Variants in HS3ST3A1 observed in about 807,000 individuals in gnomAD.
The protein encoded by HS3ST3A1 is heparan sulfate glucosamine 3-O-sulfotransferase 3A1.
A neutral mutation model predicts 25.7 loss-of-function variants in HS3ST3A1; 19 were observed. That is an observed-to-expected ratio of 0.74 (90% CI 0.52 to 1.08). The LOEUF is 1.08. Among genes scored for constraint, HS3ST3A1 ranks in the 50% least tolerant of loss-of-function variants. HS3ST3A1 has a pLI of 0.00. For missense variants in HS3ST3A1, 459 were observed against 594.3 expected (o/e 0.77, Z 2.37); for synonymous variants, 226 against 278.6 (o/e 0.81, Z 1.88).
intron 1 of HS3ST3A1, among the ~76,000 whole-genome samples, chr17:13,540,910 T>C (rs968836135): frequency 6.6e-6 from 1 of 152,216 alleles, no homozygotes; most frequent in African/African-American, 2.4e-5. Flanking sequence ...AGTGTAAAAT[T>C]TCATTTGAAC....
At chr17:13,550,698 C>A (rs1419826873) in intron 1 of HS3ST3A1, among the ~76,000 whole-genome samples, 2 of 145,342 alleles carry the variant, frequency 1.4e-5, no homozygotes, top group Non-Finnish European at 3.1e-5. Flanking sequence ...AAATGGAAGG[C>A]AAACACCAAA....
chr17:13,503,895 C>T (rs1489472606), intron 1 of HS3ST3A1, among the ~76,000 whole-genome samples: 6 of 152,336 alleles, frequency 3.9e-5, no homozygotes, highest in African/African-American at 1.4e-4. Context: ...CACCAAAAGA[C>T]ATGTTCACGA....
At chr17:13,560,455 A>T (rs1598426631) in intron 1 of HS3ST3A1, among the ~76,000 whole-genome samples, 1 of 151,946 alleles carries the variant, frequency 6.6e-6, no homozygotes, top group East Asian at 1.9e-4. Flanking sequence ...CTCACCTCAA[A>T]TACTTCCACG....
At chr17:13,534,546 C>CAAAA (rs1567616737) in intron 1 of HS3ST3A1, among the ~76,000 whole-genome samples, 1 of 24,334 alleles carries the variant, frequency 4.1e-5, no homozygotes, top group African/African-American at 1.9e-4. Flanking sequence ...TCTACAAAAT[C>CAAAA]CAAAAAAAAA....
intron 1 of HS3ST3A1, among the ~76,000 whole-genome samples, chr17:13,552,489 C>T (rs1447953872): frequency 6.6e-6 from 1 of 152,152 alleles, no homozygotes; most frequent in Non-Finnish European, 1.5e-5. Context: ...ACAGCTTCCC[C>T]AAGGAAGCAT....
At chr17:13,496,924 C>A (rs948704323) in intron 1 of HS3ST3A1, 106 bp from the exon 2 acceptor site, 19 of 1,462,356 alleles carry the variant, frequency 1.3e-5, no homozygotes, top group South Asian at 2.8e-5. Flanking sequence ...GCCCCCGCAA[C>A]CCCCCACTTG....
In HS3ST3A1 at chr17:13,534,547, C is replaced by CAAAAAAAAA. The variant is rs34383911; in HGVS notation, c.600-37738_600-37730dup. Reference sequence around the variant, plus strand: ...GGTGAAACTTCATCTCTACAAAATCCAAAAAAAAAAAAAAAAAAAAAAAAA... The same window carrying CAAAAAAAAA: ...GGTGAAACTTCATCTCTACAAAATCCAAAAAAAAAAAAAAAAAAAAAAAAAAAAAAAAAA... On this transcript the variant is annotated intron_variant, in intron 1 of 1. Coordinates refer to ENST00000284110, the MANE Select transcript of HS3ST3A1 (RefSeq NM_006042.3). Among the ~76,000 whole-genome samples the CAAAAAAAAA allele has an allele frequency of 9.2e-3, 302 of 32,822 alleles. 16 individuals carry two copies. The highest frequency in any genetic ancestry group is 0.014 in the Non-Finnish European group (243 of 16,966). 21.5% of individuals were successfully genotyped at this position (32,822 alleles called of 152,430 possible).
intron 1 of HS3ST3A1, among the ~76,000 whole-genome samples, chr17:13,547,955 A>C (rs966699745): frequency 2.0e-5 from 3 of 151,892 alleles, no homozygotes; most frequent in Non-Finnish European, 2.9e-5. Flanking sequence ...AAAAAAAAAA[A>C]AAAAAAAACC....
At chr17:13,595,567 G>C (rs1047843570) in intron 1 of HS3ST3A1, among the ~76,000 whole-genome samples, 3 of 152,118 alleles carry the variant, frequency 2.0e-5, no homozygotes, top group Non-Finnish European at 4.4e-5. Flanking sequence ...TTACATATTA[G>C]AGGCACATAT....
At chr17:13,561,552 C>G (rs921763087) in intron 1 of HS3ST3A1, among the ~76,000 whole-genome samples, 1 of 152,074 alleles carries the variant, frequency 6.6e-6, no homozygotes, top group Non-Finnish European at 1.5e-5. Context: ...TATTACCATG[C>G]CCTGCTAATT....
chr17:13,494,937 G>A lies in HS3ST3A1; in HGVS notation c.*1260C>T, dbSNP rs66619889. Among the ~76,000 whole-genome samples the A allele has an allele frequency of 0.17, 25,476 of 151,986 alleles. 3,136 individuals are homozygous for A. Among genetic ancestry groups the A allele is most frequent in the African/African-American group, 0.35 (14,498 of 41,420 alleles). ...TAAATGGTATAAATAGGAAGTGGGA[G>A]GGGGGAATAAAGTGACAAAATGATA... On this transcript the variant is annotated 3_prime_UTR_variant, in exon 2 of 2. Transcript: ENST00000284110.
At chr17:13,496,946 A>T in intron 1 of HS3ST3A1, 128 bp from the exon 2 acceptor site, 1 of 1,318,496 alleles carries the variant, frequency 7.6e-7, no homozygotes, top group Middle Eastern at 1.9e-4. Context: ...TAGACATCTG[A>T]TGGTGACGTC....
intron 1 of HS3ST3A1, among the ~76,000 whole-genome samples, chr17:13,499,471 C>T (rs1447174069): frequency 6.6e-6 from 1 of 152,122 alleles, no homozygotes; most frequent in East Asian, 1.9e-4. Flanking sequence ...AAAAAGCCAT[C>T]ATTACTTTCT....
chr17:13,508,709 G>T (rs192520884), intron 1 of HS3ST3A1, among the ~76,000 whole-genome samples: 1 of 152,064 alleles, frequency 6.6e-6, no homozygotes, highest in African/African-American at 2.4e-5. Context: ...CCTAGGAGCC[G>T]GTGTGCTTCT....
intron 1 of HS3ST3A1, among the ~76,000 whole-genome samples, chr17:13,592,081 C>T (rs1908441276): frequency 6.6e-6 from 1 of 152,182 alleles, no homozygotes; most frequent in Non-Finnish European, 1.5e-5. Context: ...GCTATGTAGG[C>T]AGGTAGCAAG....
chr17:13,524,655 A>C (rs79002371), intron 1 of HS3ST3A1, among the ~76,000 whole-genome samples: 2,037 of 152,336 alleles, frequency 0.013, 39 homozygotes, highest in African/African-American at 0.047. Flanking sequence ...ATTTTTAAAA[A>C]ATTTCTACGT....
chr17:13,510,762 T>C (rs1381353189), intron 1 of HS3ST3A1, among the ~76,000 whole-genome samples: 1 of 152,056 alleles, frequency 6.6e-6, no homozygotes, highest in African/African-American at 2.4e-5. Context: ...TGGAGTGCAG[T>C]GGCGAGATCT....
chr17:13,566,305 A>G (rs752099438), intron 1 of HS3ST3A1, among the ~76,000 whole-genome samples: 12 of 152,304 alleles, frequency 7.9e-5, no homozygotes, highest in Admixed American at 7.2e-4. Context: ...GCCTCAAACC[A>G]CGCCCATAGA....
At position 13,504,564 on chromosome 17, in the gene HS3ST3A1, C is replaced by T. The variant is rs184781041; in HGVS notation, c.600-7746G>A. Among the ~76,000 whole-genome samples, 17 of 152,204 alleles carry T rather than the reference C, an allele frequency of 1.1e-4. No homozygotes were observed. In the East Asian group the frequency reaches 2.5e-3, roughly 23 times the overall value. On this transcript the variant is annotated intron_variant, in intron 1 of 1. Coordinates refer to ENST00000284110, the MANE Select transcript of HS3ST3A1 (RefSeq NM_006042.3). Reference sequence around the variant, plus strand: ...ATGACCCGGGTGCTGGCTACAGAAGCGTATCCACTTTGTGAAAATTTCTTG... The same window carrying T: ...ATGACCCGGGTGCTGGCTACAGAAGTGTATCCACTTTGTGAAAATTTCTTG...
Sources: gnomAD v4.1 joint callset for allele counts (sites outside exome capture counted in the v4.1 genomes callset) on GRCh38, gnomAD v4.1.1 for gene constraint, MANE v1.5 for transcripts, NCBI Gene and HGNC (gene_info 2026-07-23, HGNC 2026-07-21) for gene names.